The following SYNE1 variants were observed in gnomAD, a reference collection of about 807,000 sequenced individuals.
SYNE1 encodes the protein nesprin-1.
Under a neutral mutation model 1,111.0 loss-of-function variants are expected in SYNE1, and 616 were observed. The ratio of observed to expected loss-of-function variants is 0.55; its 90% CI spans 0.52 to 0.59. The LOEUF is 0.59. Ranked by LOEUF, SYNE1 falls within the 20% of genes least tolerant of loss-of-function variation. SYNE1 has a pLI of 0.00. For synonymous variants in SYNE1, 3,855 were observed against 3,825.8 expected (o/e 1.01, Z -0.28); for missense variants, 10,006 against 10,417.0 (o/e 0.96, Z 1.72).
intron 36 of SYNE1, 46 bp from the exon 37 acceptor site, chr6:152,428,438 G>C: frequency 6.2e-7 from 1 of 1,604,102 alleles, no homozygotes; most frequent in Non-Finnish European, 8.5e-7. Flanking sequence ...AGGAGCCAAC[G>C]AGGCCTGCAT....
At chr6:152,127,167 C>T (rs2053751677) in intron 145 of SYNE1, 1 of 152,078 alleles carries the variant, frequency 6.6e-6, no homozygotes. Context: ...GGCCTCAGCT[C>T]TAAAACCATT....
At position 152,132,185 on chromosome 6, in the gene SYNE1, T is replaced by C; in HGVS notation, c.26031A>G (p.Glu8677=). 1 of 1,614,094 alleles carries C rather than the reference T, an allele frequency of 6.2e-7. No homozygotes were observed. ...GACTCACAGACCCTGAGGTGTCCAG[T>C]TCATCAGCAGAAGACCAGGAAGACA... The part of the protein sequence containing the change: ...QDLSSWSSAD[E]LDTSGSVSPT... Residue 8677 remains glutamate (E), a synonymous_variant, in exon 144 of 146, where the codon GAA becomes GAG. Transcript: ENST00000367255.
Position 152,155,057 on chromosome 6 carries a change from G to C in SYNE1, c.23979-15C>G. 2 of 1,613,978 alleles carry C rather than the reference G, an allele frequency of 1.2e-6. No individual in the cohort carries two copies. The highest frequency in any genetic ancestry group is 2.2e-5 in the South Asian group (2 of 91,066). On this transcript the variant is annotated splice_polypyrimidine_tract_variant and intron_variant, in intron 132 of 145. Transcript: ENST00000367255. ...TCTCTTCGATTCTGGGGCGGAAAAT[G>C]AAAGAACAGATTCAGATTATTGGAG...
At chr6:152,182,911 AT>A (rs578053303) in intron 128 of SYNE1, among the ~76,000 whole-genome samples, 2 of 152,182 alleles carry the variant, frequency 1.3e-5, no homozygotes, top group Non-Finnish European at 2.9e-5. Flanking sequence ...CCTACTAAGT[AT>A]TTCCCCATTA....
chr6:152,130,599 G>A, intron 145 of SYNE1, 121 bp downstream of exon 145: 1 of 965,022 alleles, frequency 1.0e-6, no homozygotes, highest in Admixed American at 1.9e-5. Context: ...GGTGTGGACT[G>A]AAATGAGTAA....
chr6:152,200,605 A>G (rs1049672145), intron 127 of SYNE1, among the ~76,000 whole-genome samples: 3 of 152,160 alleles, frequency 2.0e-5, no homozygotes, highest in Non-Finnish European at 4.4e-5. Context: ...CATATTGCCC[A>G]GGCTGATCTT....
intron 3 of SYNE1, among the ~76,000 whole-genome samples, chr6:152,615,352 G>C (rs1203473493): frequency 1.3e-5 from 2 of 151,970 alleles, no homozygotes; most frequent in African/African-American, 4.8e-5. Context: ...ATATTTAATG[G>C]AGTTTTGTAC....
intron 75 of SYNE1, among the ~76,000 whole-genome samples, chr6:152,338,507 A>G (rs2096457668): frequency 6.6e-6 from 1 of 151,834 alleles, no homozygotes; most frequent in Admixed American, 6.6e-5. Context: ...CTATAGTCCC[A>G]GCTATTGGGA....
chr6:152,294,534 A>T (rs1318509669), intron 93 of SYNE1, among the ~76,000 whole-genome samples: 1 of 152,218 alleles, frequency 6.6e-6, no homozygotes, highest in African/African-American at 2.4e-5. Context: ...TAAATAATTT[A>T]AAAACTACTT....
chr6:152,541,616 C>T (rs1042722924), intron 3 of SYNE1, among the ~76,000 whole-genome samples: 2 of 151,782 alleles, frequency 1.3e-5, no homozygotes, highest in South Asian at 2.1e-4. Context: ...GGTGTGCTGG[C>T]GGGCCTCTGT....
At chr6:152,554,003 C>T (rs972938513) in intron 3 of SYNE1, among the ~76,000 whole-genome samples, 6 of 151,930 alleles carry the variant, frequency 3.9e-5, no homozygotes, top group African/African-American at 7.3e-5. Flanking sequence ...TGGGGTGGCC[C>T]TGGGAGGAGG....
At chr6:152,151,258 C>T (rs1054005122) in intron 135 of SYNE1, among the ~76,000 whole-genome samples, 7 of 151,486 alleles carry the variant, frequency 4.6e-5, no homozygotes, top group Non-Finnish European at 1.0e-4. Context: ...GCAGAACATC[C>T]CTAACACCCT....
chr6:152,405,998 ATT>A (rs2097893818), intron 45 of SYNE1, among the ~76,000 whole-genome samples: 1 of 151,988 alleles, frequency 6.6e-6, no homozygotes, highest in East Asian at 1.9e-4. Context: ...TATAATATAT[ATT>A]GTAATATAAA....
intron 117 of SYNE1, among the ~76,000 whole-genome samples, chr6:152,222,712 T>A (rs1360387473): frequency 6.6e-6 from 1 of 152,110 alleles, no homozygotes; most frequent in Non-Finnish European, 1.5e-5. Flanking sequence ...AGAATGGTAG[T>A]TACCAGGGCA....
At chr6:152,181,116 C>G (rs146068735) in intron 128 of SYNE1, among the ~76,000 whole-genome samples, 1 of 149,498 alleles carries the variant, frequency 6.7e-6, no homozygotes. Context: ...CAGTGGCTCA[C>G]GTCTGTAATC....
chr6:152,325,820 C>T, intron 80 of SYNE1, 138 bp downstream of exon 80: 11 of 1,109,256 alleles, frequency 9.9e-6, no homozygotes, highest in Non-Finnish European at 1.4e-5. Context: ...AAACTTAAAA[C>T]TTCTATAAAA....
At position 152,265,044 on chromosome 6, in the gene SYNE1, A is replaced by C. The variant is rs181027620; in HGVS notation, c.18816-2856T>G. Among the ~76,000 whole-genome samples, 308 of 152,056 alleles carry C rather than the reference A, an allele frequency of 2.0e-3. 1 individual carries two copies. Among genetic ancestry groups the C allele is most frequent in the African/African-American group, 7.3e-3 (302 of 41,466 alleles). On this transcript the variant is annotated intron_variant, in intron 100 of 145. Transcript: ENST00000367255. ...GCCAACATGGTGAAACCCCATCTCT[A>C]CTGAAAACACAATTAGCCAAGCATA...
chr6:152,137,736 T>C (rs375974451), intron 140 of SYNE1, among the ~76,000 whole-genome samples: 1 of 152,184 alleles, frequency 6.6e-6, no homozygotes, highest in Admixed American at 6.5e-5. Flanking sequence ...TCCCAATCTG[T>C]CTTGATTTTG....
intron 3 of SYNE1, among the ~76,000 whole-genome samples, chr6:152,547,705 G>T (rs544057718): frequency 7.2e-4 from 110 of 152,200 alleles, no homozygotes; most frequent in Admixed American, 1.6e-3. Flanking sequence ...TATGAGTATT[G>T]TTGAAAACTC....
Sources: allele counts gnomAD v4.1 joint callset (sites outside exome capture counted in the v4.1 genomes callset), GRCh38; gene constraint gnomAD v4.1.1; transcripts MANE v1.5; gene names NCBI Gene and HGNC (gene_info 2026-07-23, HGNC 2026-07-21).